Variants in TMTC2 observed in about 807,000 individuals in gnomAD.
The protein encoded by TMTC2 is protein O-mannosyl-transferase TMTC2.
TMTC2 carries 43 observed loss-of-function variants against 82.4 expected under a neutral mutation model. The ratio of observed to expected loss-of-function variants is 0.52; its 90% CI spans 0.41 to 0.67. The LOEUF (loss-of-function observed/expected upper bound fraction) is 0.67, where lower values mean the gene tolerates loss of function less well. Among genes scored for constraint, TMTC2 ranks in the 30% least tolerant of loss-of-function variants. The pLI is 0.00. For missense variants in TMTC2, 919 were observed against 1,012.4 expected (o/e 0.91, Z 1.25); for synonymous variants, 408 against 381.9 (o/e 1.07, Z -0.80).
In TMTC2 at chr12:82,928,812, C is replaced by G. The variant is rs532361923; in HGVS notation, c.1484-1619C>G. 1.2e-4 allele frequency among the ~76,000 whole-genome samples: 18 copies of G among 152,254 alleles called. No homozygotes were observed. In the South Asian group the frequency reaches 3.7e-3, roughly 31 times the overall value. ...GTGGCATGGTACATGGCACTATTAG[C>G]TGTTGCATAATTGTGAGTTCAATGC... On this transcript the variant is annotated intron_variant, in intron 3 of 11. Coordinates refer to ENST00000321196, the MANE Select transcript of TMTC2 (RefSeq NM_152588.3).
chr12:82,854,403 G>A (rs527527965), intron 1 of TMTC2, among the ~76,000 whole-genome samples: 72 of 152,168 alleles, frequency 4.7e-4, no homozygotes, highest in African/African-American at 1.5e-3. Context: ...CACCTTGTGG[G>A]CCAAGATGGC....
intron 1 of TMTC2, among the ~76,000 whole-genome samples, chr12:82,733,736 T>C (rs1486853417): frequency 6.6e-6 from 1 of 152,226 alleles, no homozygotes; most frequent in Non-Finnish European, 1.5e-5. Context: ...CTGGAGATAC[T>C]TTATCTAATA....
chr12:82,766,922 C>T (rs1174751929), intron 1 of TMTC2, among the ~76,000 whole-genome samples: 1 of 152,110 alleles, frequency 6.6e-6, no homozygotes, highest in African/African-American at 2.4e-5. Context: ...CCTCAGCCTC[C>T]CAAGTAGCTG....
intron 4 of TMTC2, among the ~76,000 whole-genome samples, chr12:82,961,572 T>A (rs544387038): frequency 6.6e-6 from 1 of 152,070 alleles, no homozygotes; most frequent in Non-Finnish European, 1.5e-5. Flanking sequence ...TTGCCTCTTA[T>A]TAATCATAAT....
chr12:83,104,159 C>T (rs2137536798), intron 11 of TMTC2, among the ~76,000 whole-genome samples: 1 of 152,310 alleles, frequency 6.6e-6, no homozygotes, highest in Non-Finnish European at 1.5e-5. Context: ...CAGGGTTCAG[C>T]CCCAGAGGCT....
intron 8 of TMTC2, among the ~76,000 whole-genome samples, chr12:83,008,239 C>G (rs1257771680): frequency 1.3e-5 from 2 of 152,114 alleles, no homozygotes; most frequent in Non-Finnish European, 2.9e-5. Flanking sequence ...GGTTTTGTAT[C>G]TTTCATTAAT....
At chr12:82,934,351 T>G (rs1055003888) in intron 4 of TMTC2, among the ~76,000 whole-genome samples, 18 of 152,052 alleles carry the variant, frequency 1.2e-4, no homozygotes, top group Non-Finnish European at 2.6e-4. Flanking sequence ...TCTACATTAG[T>G]TATTTCTCCT....
chr12:83,087,892 G>T (rs943282025), intron 11 of TMTC2, among the ~76,000 whole-genome samples: 2 of 152,196 alleles, frequency 1.3e-5, no homozygotes, highest in African/African-American at 2.4e-5. Flanking sequence ...GTCACCAGTT[G>T]CATTAGCCCC....
chr12:82,900,602 A>G (rs1421885931), intron 3 of TMTC2, among the ~76,000 whole-genome samples: 3 of 145,322 alleles, frequency 2.1e-5, no homozygotes, highest in Non-Finnish European at 4.5e-5. Flanking sequence ...ATGTAGGAAT[A>G]TATATAGGAA....
In TMTC2 at chr12:83,068,318, A is replaced by G. The variant is rs115793839; in HGVS notation, c.2331+6487A>G. 7.8e-3 allele frequency among the ~76,000 whole-genome samples: 1,187 copies of G among 152,272 alleles called. 23 individuals carry two copies. Among genetic ancestry groups the G allele is most frequent in the African/African-American group, 0.027 (1,141 of 41,554 alleles). On this transcript the variant is annotated intron_variant, in intron 11 of 11. Transcript: ENST00000321196. ...TTCCCACCTATATATGTATGTTCTA[A>G]TGGGAAAGATATTGTTCAACCCTAA...
chr12:83,032,752 G>T (rs1033799280), intron 9 of TMTC2, among the ~76,000 whole-genome samples: 9 of 151,722 alleles, frequency 5.9e-5, no homozygotes, highest in African/African-American at 2.2e-4. Context: ...GTAGAGATAG[G>T]GTTTCACCAT....
chr12:83,099,179 A>T (rs910880870), intron 11 of TMTC2, among the ~76,000 whole-genome samples: 3 of 152,122 alleles, frequency 2.0e-5, no homozygotes, highest in African/African-American at 7.2e-5. Context: ...ATATAAGGTA[A>T]TCTCCTTTTT....
At chr12:82,726,284 C>T (rs1874440718) in intron 1 of TMTC2, among the ~76,000 whole-genome samples, 1 of 152,074 alleles carries the variant, frequency 6.6e-6, no homozygotes, top group African/African-American at 2.4e-5. Context: ...GTTTAGTTCT[C>T]AACACAGATT....
chr12:83,021,701 C>T (rs1880938180), intron 8 of TMTC2, among the ~76,000 whole-genome samples: 1 of 152,086 alleles, frequency 6.6e-6, no homozygotes, highest in Non-Finnish European at 1.5e-5. Flanking sequence ...CCTGAATCTA[C>T]TCATTTCTCA....
rs144206716 is a variant in TMTC2 at position 83,078,645 on chromosome 12, A to G, written c.2331+16814A>G. Among the ~76,000 whole-genome samples, 4 of 152,298 alleles carry G rather than the reference A, an allele frequency of 2.6e-5. No homozygotes were observed. The East Asian group carries it at 7.7e-4, about 29-fold the overall frequency. On this transcript the variant is annotated intron_variant, in intron 11 of 11. Transcript: ENST00000321196. ...GCATTTTTGGTGATACCAAAAAGTAAAACTATAGAGAATTCAGTTTCTTAA... is the reference window on the plus strand; with the variant it reads ...GCATTTTTGGTGATACCAAAAAGTAGAACTATAGAGAATTCAGTTTCTTAA...
chr12:82,923,149 A>G (rs1875492130), intron 3 of TMTC2, among the ~76,000 whole-genome samples: 2 of 151,764 alleles, frequency 1.3e-5, no homozygotes, highest in South Asian at 4.1e-4. Context: ...CATCCCTACC[A>G]GTAGTTGACC....
At chr12:82,873,604 C>T (rs1022096628) in intron 2 of TMTC2, among the ~76,000 whole-genome samples, 1 of 152,066 alleles carries the variant, frequency 6.6e-6, no homozygotes, top group African/African-American at 2.4e-5. Flanking sequence ...TTCTGAGTAA[C>T]AGTGGTTTAC....
chr12:82,854,283 T>A (rs969377143), intron 1 of TMTC2, among the ~76,000 whole-genome samples: 1 of 152,214 alleles, frequency 6.6e-6, no homozygotes, highest in Non-Finnish European at 1.5e-5. Context: ...TTTCTCATAC[T>A]GAAGAAATAG....
intron 4 of TMTC2, among the ~76,000 whole-genome samples, chr12:82,963,836 T>C (rs188719578): frequency 0.09 from 11,200 of 124,560 alleles, 2,479 homozygotes; most frequent in African/African-American, 0.3. Context: ...TATATATATA[T>C]ATATATATAT....
Sources: allele counts gnomAD v4.1 joint callset (sites outside exome capture counted in the v4.1 genomes callset), GRCh38; gene constraint gnomAD v4.1.1; transcripts MANE v1.5; gene names NCBI Gene and HGNC (gene_info 2026-07-23, HGNC 2026-07-21).